The following ARHGEF37 variants were observed in gnomAD, a reference collection of about 807,000 sequenced individuals.
ARHGEF37 encodes the protein Rho guanine nucleotide exchange factor (GEF) 37.
A neutral mutation model predicts 71.1 loss-of-function variants in ARHGEF37; 55 were observed. That is an observed-to-expected ratio of 0.77 (90% CI 0.62 to 0.97). The LOEUF (loss-of-function observed/expected upper bound fraction) is 0.97, where lower values mean the gene tolerates loss of function less well. Ranked by LOEUF, ARHGEF37 falls within the 50% of genes least tolerant of loss-of-function variation. The pLI, the probability that ARHGEF37 is intolerant of heterozygous loss-of-function variation, is 0.00. For synonymous variants in ARHGEF37, 327 were observed against 350.6 expected (o/e 0.93, Z 0.75); for missense variants, 765 against 836.8 (o/e 0.91, Z 1.06).
chr5:149,598,761 T>TATATATATATATATATATATATAG (rs1554122094), intron 2 of ARHGEF37, among the ~76,000 whole-genome samples: 1 of 75,796 alleles, frequency 1.3e-5, no homozygotes, highest in African/African-American at 4.9e-5. Context: ...TATATATAGA[T>TATATATATATATATATATATATAG]ATAGATATAG....
chr5:149,552,735 G>A (rs1353770510), intron 1 of ARHGEF37, among the ~76,000 whole-genome samples: 1 of 151,796 alleles, frequency 6.6e-6, no homozygotes, highest in Non-Finnish European at 1.5e-5. Context: ...CTATTCGGGA[G>A]TCTGAGAATC....
chr5:149,611,330 G>A (rs955469808), intron 4 of ARHGEF37, among the ~76,000 whole-genome samples: 1 of 152,226 alleles, frequency 6.6e-6, no homozygotes, highest in Non-Finnish European at 1.5e-5. Context: ...ATCTGCCTCA[G>A]CTGCCATGTA....
chr5:149,595,368 A>T (rs1290894176), intron 1 of ARHGEF37, among the ~76,000 whole-genome samples: 1 of 151,824 alleles, frequency 6.6e-6, no homozygotes, highest in East Asian at 1.9e-4. Flanking sequence ...TTCTGTAGAG[A>T]CGAAATCTCA....
At chr5:149,620,239 A>G (rs1752499142) in intron 7 of ARHGEF37, 115 bp from the exon 8 acceptor site, 1 of 667,010 alleles carries the variant, frequency 1.5e-6, no homozygotes, top group African/African-American at 1.8e-5. Flanking sequence ...TGTCCCTCTC[A>G]TTGGGGGTGT....
At chr5:149,613,241 G>T (rs1340769305) in intron 4 of ARHGEF37, among the ~76,000 whole-genome samples, 1 of 152,114 alleles carries the variant, frequency 6.6e-6, no homozygotes, top group Non-Finnish European at 1.5e-5. Context: ...AAAGTAAAAA[G>T]TAAAAATCCA....
At chr5:149,612,885 A>AC (rs1752240685) in intron 4 of ARHGEF37, among the ~76,000 whole-genome samples, 2 of 152,190 alleles carry the variant, frequency 1.3e-5, no homozygotes, top group Admixed American at 1.3e-4. Flanking sequence ...ATGCACGCTG[A>AC]CCCCACCCTT....
intron 12 of ARHGEF37, among the ~76,000 whole-genome samples, chr5:149,629,684 C>A (rs957040791): frequency 6.6e-5 from 10 of 152,150 alleles, no homozygotes; most frequent in Non-Finnish European, 1.5e-4. Context: ...GGCCTTGTGG[C>A]CTTGACAAGG....
At chr5:149,571,092 G>A (rs1284869420) in intron 1 of ARHGEF37, among the ~76,000 whole-genome samples, 2 of 150,320 alleles carry the variant, frequency 1.3e-5, no homozygotes, top group Non-Finnish European at 1.5e-5. Flanking sequence ...GCAGGCATGC[G>A]CCACCACGCC....
intron 1 of ARHGEF37, among the ~76,000 whole-genome samples, chr5:149,565,329 G>C (rs1241876069): frequency 6.6e-6 from 1 of 152,166 alleles, no homozygotes; most frequent in Non-Finnish European, 1.5e-5. Flanking sequence ...TCCTGTTATA[G>C]TTATATCTGC....
Position 149,596,528 on chromosome 5 carries a change from C to T in ARHGEF37, c.-11-1231C>T, listed in dbSNP as rs559439577. 2.0e-5 allele frequency among the ~76,000 whole-genome samples: 3 copies of T among 152,336 alleles called. No individual in the cohort carries two copies. In the South Asian group the frequency reaches 6.2e-4, roughly 32 times the overall value. On this transcript the variant is annotated intron_variant, in intron 1 of 12. Coordinates refer to ENST00000333677, the MANE Select transcript of ARHGEF37 (RefSeq NM_001001669.3). ...CCATGTTGGCCAGGCTGGTCTCGAACTCCTGACCTCAGGTGGTTTGCCCAC... is the reference window on the plus strand; with the variant it reads ...CCATGTTGGCCAGGCTGGTCTCGAATTCCTGACCTCAGGTGGTTTGCCCAC...
chr5:149,608,621 T>C (rs568926447), intron 3 of ARHGEF37, among the ~76,000 whole-genome samples: 8 of 152,128 alleles, frequency 5.3e-5, no homozygotes, highest in African/African-American at 1.7e-4. Flanking sequence ...TCCACCCGTC[T>C]TGGCCTGCAA....
chr5:149,620,528 AT>A, intron 8 of ARHGEF37, 64 bp downstream of exon 8: 1 of 1,371,236 alleles, frequency 7.3e-7, no homozygotes, highest in Non-Finnish European at 1.0e-6. Flanking sequence ...CAAGAATAAT[AT>A]TTAGAAGTCA....
intron 5 of ARHGEF37, among the ~76,000 whole-genome samples, chr5:149,617,023 C>T (rs990889995): frequency 1.3e-5 from 2 of 152,096 alleles, no homozygotes; most frequent in Non-Finnish European, 2.9e-5. Flanking sequence ...TGTGGCTGTT[C>T]CAAGACTCAC....
intron 1 of ARHGEF37, among the ~76,000 whole-genome samples, chr5:149,560,581 A>G (rs1331718110): frequency 6.6e-6 from 1 of 152,174 alleles, no homozygotes; most frequent in African/African-American, 2.4e-5. Flanking sequence ...CTGGACTTCA[A>G]TGTTGTAATC....
chr5:149,552,392 C>T (rs552748777), intron 1 of ARHGEF37, among the ~76,000 whole-genome samples: 7 of 147,420 alleles, frequency 4.7e-5, no homozygotes, highest in African/African-American at 1.7e-4. Context: ...AAATTTTGAC[C>T]ACGTTTTGTT....
At chr5:149,556,777 C>T (rs1056483750) in intron 1 of ARHGEF37, among the ~76,000 whole-genome samples, 4 of 152,356 alleles carry the variant, frequency 2.6e-5, no homozygotes, top group African/African-American at 9.6e-5. Context: ...CCTGCTTCAG[C>T]CTCCCAAAAT....
intron 1 of ARHGEF37, among the ~76,000 whole-genome samples, chr5:149,589,254 TTAAA>T (rs1320600395): frequency 3.9e-5 from 6 of 152,146 alleles, no homozygotes; most frequent in Non-Finnish European, 5.9e-5. Flanking sequence ...TTGAAAGGGA[TTAAA>T]TAATCAGGAT....
At chr5:149,615,917 C>G (rs552210147) in intron 4 of ARHGEF37, among the ~76,000 whole-genome samples, 1 of 152,092 alleles carries the variant, frequency 6.6e-6, no homozygotes, top group African/African-American at 2.4e-5. Flanking sequence ...CAAAAAAACA[C>G]GAACATTTCT....
rs2113389903 is a variant in ARHGEF37, at chr5:149,627,218, T to C, written c.1607T>C (p.Leu536Pro). 3.7e-6 allele frequency: 6 copies of C among 1,614,054 alleles called. No homozygotes were observed. The South Asian group carries it at 6.6e-5, about 18-fold the overall frequency. ...TLPRGQIVAI[L>P]QNKDTKGNSG... is the part of the protein sequence containing the mutation. Reference sequence around the variant, plus strand: ...CCTCGGGGCCAAATCGTGGCCATCCTTCAAAACAAGGACACCAAAGGCAAC... The same window carrying C: ...CCTCGGGGCCAAATCGTGGCCATCCCTCAAAACAAGGACACCAAAGGCAAC... The change falls in exon 11 of 13, where the codon CTT becomes CCT. Residue 536 changes from leucine to proline, a missense_variant. Coordinates refer to ENST00000333677, the MANE Select transcript of ARHGEF37 (RefSeq NM_001001669.3).
Sources: allele counts gnomAD v4.1 joint callset (sites outside exome capture counted in the v4.1 genomes callset), GRCh38; gene constraint gnomAD v4.1.1; transcripts MANE v1.5; gene names NCBI Gene and HGNC (gene_info 2026-07-23, HGNC 2026-07-21).